The following CACNA1C variants were observed in gnomAD, a reference collection of about 807,000 sequenced individuals.
CACNA1C encodes calcium voltage-gated channel subunit alpha1 C.
CACNA1C carries 30 observed loss-of-function variants against 229.0 expected under a neutral mutation model. That is an observed-to-expected ratio of 0.13 (90% CI 0.10 to 0.18). The LOEUF is 0.18. Ranked by LOEUF, CACNA1C falls within the 10% of genes least tolerant of loss-of-function variation. The pLI is 1.00. For synonymous variants in CACNA1C, 1,114 were observed against 1,132.5 expected, an observed-to-expected ratio of 0.98 and a Z score of 0.33; for missense variants, 1,658 against 2,845.0, an observed-to-expected ratio of 0.58 and a Z score of 9.49.
rs5796003 is a variant in CACNA1C at position 2,395,209 on chromosome 12, CTTTT to C, written c.478-53751_478-53748del. 5.5e-5 allele frequency among the ~76,000 whole-genome samples: 7 copies of C among 128,094 alleles called. No individual in the cohort carries two copies. In the East Asian group the frequency reaches 1.4e-3, roughly 25 times the overall value. 84.0% of individuals were successfully genotyped at this position (128,094 alleles called of 152,430 possible). The stretch of plus-strand genomic sequence containing the variant: ...TCCAGCCTTCTTTTCTTTTCTCTAG[CTTTT>C]TTTTTTTTTTTTTTTAAATATTTGA... On this transcript the variant is annotated intron_variant, in intron 3 of 46. Coordinates refer to ENST00000399655, the MANE Select transcript of CACNA1C (RefSeq NM_000719.7).
intron 1 of CACNA1C, among the ~76,000 whole-genome samples, chr12:1,979,843 T>A (rs2035590220): frequency 6.6e-6 from 1 of 152,230 alleles, no homozygotes; most frequent in African/African-American, 2.4e-5. Flanking sequence ...TTAATCTGCA[T>A]AGGTTTCCAA....
chr12:2,587,186 C>T (rs1044152261), intron 18 of CACNA1C, among the ~76,000 whole-genome samples: 5 of 145,462 alleles, frequency 3.4e-5, no homozygotes. Context: ...TTACGAGTTG[C>T]TTTGCTTTTA....
At position 2,688,631 on chromosome 12, in the gene CACNA1C, T is replaced by C. The variant is rs1406163927; in HGVS notation, c.5969T>C (p.Ile1990Thr). The change falls in exon 46 of 47, where the codon ATC (isoleucine) becomes ACC (threonine). Residue 1990 changes from isoleucine (I) to threonine (T), a missense_variant. Ile to Thr is a moderately conservative substitution (Grantham distance 89). Transcript: ENST00000399655. ...AAACTCAACAGCAGCTTCCCATCCA[T>C]CCACTGCGGCTCCTGGGCTGAGACC... ...SEKLNSSFPS[I>T]HCGSWAETTP... 2 of 1,613,740 alleles carry C rather than the reference T, an allele frequency of 1.2e-6. No individual in the cohort carries two copies. Among genetic ancestry groups the C allele is most frequent in the Non-Finnish European group, 1.7e-6 (2 of 1,179,866 alleles).
chr12:2,354,461 G>A lies in CACNA1C; in HGVS notation c.478-94515G>A, dbSNP rs976259262. Among the ~76,000 whole-genome samples, 4 of 152,182 alleles carry A rather than the reference G, an allele frequency of 2.6e-5. No individual in the cohort carries two copies. Among genetic ancestry groups the A allele is most frequent in the East Asian group, 1.9e-4 (1 of 5,188 alleles). ...TGACTGCAGCCTGTAGGGAAACGCC[G>A]GGAGGAACAGGAGACTGTTGAGAAG... On this transcript the variant is annotated intron_variant, in intron 3 of 46. Coordinates refer to ENST00000399655, the MANE Select transcript of CACNA1C (RefSeq NM_000719.7). This position sits in a 1 kb window ranked among gnomAD's most constrained non-coding sequence, Gnocchi z 4.6.
chr12:2,610,219 A>G (rs891865816), intron 27 of CACNA1C, among the ~76,000 whole-genome samples: 2 of 152,180 alleles, frequency 1.3e-5, no homozygotes, highest in Non-Finnish European at 2.9e-5. Context: ...ATTCTTAGCG[A>G]TGCCGACTCC....
At chr12:2,367,267 G>A (rs2097750498) in intron 3 of CACNA1C, among the ~76,000 whole-genome samples, 2 of 152,194 alleles carry the variant, frequency 1.3e-5, no homozygotes. Context: ...ATCTAATGCT[G>A]AGAGGAGGCA....
chr12:2,533,474 T>C (rs2099845793), intron 9 of CACNA1C, among the ~76,000 whole-genome samples: 1 of 152,218 alleles, frequency 6.6e-6, no homozygotes, highest in African/African-American at 2.4e-5. Flanking sequence ...AAGCTGAATT[T>C]GGGGTGTGTG....
intron 3 of CACNA1C, among the ~76,000 whole-genome samples, chr12:2,123,854 AACG>A (rs2088387110): frequency 6.6e-6 from 1 of 152,232 alleles, no homozygotes; most frequent in African/African-American, 2.4e-5. Context: ...AAATGGAAAT[AACG>A]ATAATGACAG....
chr12:2,308,698 C>T (rs1038710341), intron 3 of CACNA1C, among the ~76,000 whole-genome samples: 1 of 152,118 alleles, frequency 6.6e-6, no homozygotes, highest in African/African-American at 2.4e-5. Context: ...GGGCAAAGGA[C>T]CTGAAAAGAC....
Position 2,285,536 on chromosome 12 carries a change from C to T in CACNA1C, c.478-163440C>T, listed in dbSNP as rs1257351798. ...GCTTTTGGAACTTAGGAGCTCTGTT[C>T]TTAAACTCTCCTTAAACACCTCCTC... is the stretch of plus-strand genomic sequence containing the variant. On this transcript the variant is annotated intron_variant, in intron 3 of 46. Coordinates refer to ENST00000399655, the MANE Select transcript of CACNA1C (RefSeq NM_000719.7). This position sits in a 1 kb window ranked among gnomAD's most constrained non-coding sequence, Gnocchi z 4.2. 6.6e-6 allele frequency among the ~76,000 whole-genome samples: 1 copy of T among 152,116 alleles called. No homozygotes were observed. The highest frequency in any genetic ancestry group is 1.5e-5 in the Non-Finnish European group (1 of 68,026).
In CACNA1C at chr12:2,585,930, G is replaced by T. The variant is rs370493714; in HGVS notation, c.2530+26G>T. 2.8e-4 allele frequency: 393 copies of T among 1,402,402 alleles called. No homozygotes were observed. Among genetic ancestry groups the T allele is most frequent in the Middle Eastern group, 1.1e-3 (6 of 5,612 alleles). 86.9% of individuals were successfully genotyped at this position (1,402,402 alleles called of 1,614,324 possible). ...GTACCAGTCCCACTGCCTAACCTGG[G>T]ATTGGGAGATTGGGGGCAGAGATCT... On this transcript the variant is annotated intron_variant, in intron 18 of 46. Coordinates refer to ENST00000399655, the MANE Select transcript of CACNA1C (RefSeq NM_000719.7). The surrounding 1 kb of genome is among the most constrained non-coding windows in gnomAD (Gnocchi z 4.1).
At chr12:2,577,776 G>T (rs2154594395) in intron 13 of CACNA1C, among the ~76,000 whole-genome samples, 1 of 152,328 alleles carries the variant, frequency 6.6e-6, no homozygotes, top group Admixed American at 6.5e-5. Flanking sequence ...ACTGTTCTAA[G>T]CTCCAAGGAT....
chr12:1,990,982 G>C, intron 1 of CACNA1C: 1 of 323,880 alleles, frequency 3.1e-6, no homozygotes, highest in Non-Finnish European at 5.7e-6. Flanking sequence ...AGATAGAAAG[G>C]ACAAAAAAAA....
Position 2,193,438 on chromosome 12 carries a change from G to A in CACNA1C, c.477+73008G>A, listed in dbSNP as rs117611894. Among the ~76,000 whole-genome samples, 826 of 151,402 alleles carry A rather than the reference G, an allele frequency of 5.5e-3. 3 individuals are homozygous for A. Among genetic ancestry groups the A allele is most frequent in the Middle Eastern group, 0.01 (3 of 294 alleles). The stretch of plus-strand genomic sequence containing the variant: ...CCATTGAACTCCAGCCTGGGCAATC[G>A]AGCTAGACCCTGTCTCAAAAAAAAA... On this transcript the variant is annotated intron_variant, in intron 3 of 46. Transcript: ENST00000399655.
intron 1 of CACNA1C, among the ~76,000 whole-genome samples, chr12:2,057,436 C>T (rs753954237): frequency 1.9e-4 from 29 of 152,306 alleles, no homozygotes; most frequent in African/African-American, 4.8e-4. Context: ...CTTCAGGGTC[C>T]GCCTGGTGAT....
chr12:2,663,251 G>C (rs1408749515), intron 34 of CACNA1C, among the ~76,000 whole-genome samples: 1 of 152,162 alleles, frequency 6.6e-6, no homozygotes, highest in Non-Finnish European at 1.5e-5. Context: ...GTTAAGAATA[G>C]ACACGAAACC....
chr12:2,418,816 C>G (rs1031001232), intron 3 of CACNA1C, among the ~76,000 whole-genome samples: 1 of 152,102 alleles, frequency 6.6e-6, no homozygotes, highest in Non-Finnish European at 1.5e-5. Flanking sequence ...TCAGATGCAG[C>G]CCATGCTGAC....
chr12:2,332,268 G>A lies in CACNA1C; in HGVS notation c.478-116708G>A, dbSNP rs187900420. Reference sequence around the variant, plus strand: ...TAAAGCAAATATGACAAAAATGTTAGCAATTGGACCATCTAGGGGAAGCAT... The same window carrying A: ...TAAAGCAAATATGACAAAAATGTTAACAATTGGACCATCTAGGGGAAGCAT... On this transcript the variant is annotated intron_variant, in intron 3 of 46. Coordinates refer to ENST00000399655, the MANE Select transcript of CACNA1C (RefSeq NM_000719.7). 6.6e-5 allele frequency among the ~76,000 whole-genome samples: 10 copies of A among 152,268 alleles called. No homozygotes were observed. In the East Asian group the frequency reaches 1.9e-3, roughly 29 times the overall value.
At chr12:2,365,603 C>T (rs909577257) in intron 3 of CACNA1C, among the ~76,000 whole-genome samples, 10 of 152,258 alleles carry the variant, frequency 6.6e-5, no homozygotes, top group South Asian at 2.1e-4. Context: ...AGAAACTTAA[C>T]GAATTTGTTG....
Sources: allele counts gnomAD v4.1 joint callset (sites outside exome capture counted in the v4.1 genomes callset), GRCh38; gene constraint gnomAD v4.1.1; non-coding constraint Gnocchi (gnomAD v3.1); transcripts MANE v1.5; gene names NCBI Gene and HGNC (gene_info 2026-07-23, HGNC 2026-07-21).